The following B3GALT1 variants were observed in gnomAD, a reference collection of about 807,000 sequenced individuals.
B3GALT1 encodes the protein beta-1,3-galactosyltransferase 1, also known as UDP-Gal:betaGlcNAc beta 1,3-galactosyltransferase, polypeptide 1.
In B3GALT1, 10 loss-of-function variants were observed where a neutral mutation model predicts 23.2. That is an observed-to-expected ratio of 0.43 (90% CI 0.27 to 0.73). The LOEUF (loss-of-function observed/expected upper bound fraction) is 0.73, where lower values mean the gene tolerates loss of function less well. Among genes scored for constraint, B3GALT1 ranks in the 30% least tolerant of loss-of-function variants. The pLI, the probability that B3GALT1 is intolerant of heterozygous loss-of-function variation, is 0.21. For synonymous variants in B3GALT1, 156 were observed against 141.5 expected, an observed-to-expected ratio of 1.10 and a Z score of -0.73; for missense variants, 299 against 405.4, an observed-to-expected ratio of 0.74 and a Z score of 2.25.
At chr2:167,819,029 A>G (rs571694546) in intron 4 of B3GALT1, among the ~76,000 whole-genome samples, 2 of 152,284 alleles carry the variant, frequency 1.3e-5, no homozygotes, top group African/African-American at 4.8e-5. Context: ...AAGTTCCAGG[A>G]TACATGTGTA....
intron 1 of B3GALT1, among the ~76,000 whole-genome samples, chr2:167,347,500 T>C (rs745429524): frequency 5.5e-4 from 84 of 152,238 alleles, no homozygotes; most frequent in Admixed American, 7.2e-4. Context: ...AACTGGTTTC[T>C]AGAAATTGTG....
At position 167,869,555 on chromosome 2, in the gene B3GALT1, T is replaced by C. The variant is rs750700083; in HGVS notation, c.516T>C (p.Tyr172=). 1.2e-6 allele frequency: 2 copies of C among 1,614,130 alleles called. No homozygotes were observed. Among genetic ancestry groups the C allele is most frequent in the South Asian group, 2.2e-5 (2 of 91,074 alleles). The change falls in exon 5 of 5, where the codon TAT becomes TAC. Residue 172 remains tyrosine, a synonymous_variant. Coordinates refer to ENST00000392690, the MANE Select transcript of B3GALT1 (RefSeq NM_020981.4). This position sits in a 1 kb window ranked among gnomAD's most constrained non-coding sequence, Gnocchi z 6.4. ...WVATFCSKAK[Y]VMKTDSDIFV... ...CCACTTTTTGTTCAAAAGCCAAGTA[T>C]GTCATGAAAACAGACAGCGACATTT...
At chr2:167,308,815 A>T (rs1259488616) in intron 1 of B3GALT1, among the ~76,000 whole-genome samples, 1 of 151,998 alleles carries the variant, frequency 6.6e-6, no homozygotes. Context: ...AAGTGACTTG[A>T]TGGCTGATCC....
intron 2 of B3GALT1, among the ~76,000 whole-genome samples, chr2:167,493,080 T>G (rs1200801411): frequency 6.6e-6 from 1 of 152,218 alleles, no homozygotes; most frequent in Non-Finnish European, 1.5e-5. Context: ...GTTAGCTTTC[T>G]GGCATGAACT....
chr2:167,703,866 T>C (rs1295349225), intron 3 of B3GALT1, among the ~76,000 whole-genome samples: 1 of 152,150 alleles, frequency 6.6e-6, no homozygotes, highest in Non-Finnish European at 1.5e-5. Flanking sequence ...GCACCCCATA[T>C]GTCTTTCTCT....
At chr2:167,666,358 C>T (rs1246243255) in intron 3 of B3GALT1, among the ~76,000 whole-genome samples, 2 of 152,074 alleles carry the variant, frequency 1.3e-5, no homozygotes, top group African/African-American at 4.8e-5. Flanking sequence ...CTAAGGAGAG[C>T]TTTACTTCCA....
chr2:167,616,033 T>C (rs1476456234), intron 2 of B3GALT1, among the ~76,000 whole-genome samples: 1 of 151,844 alleles, frequency 6.6e-6, no homozygotes, highest in Non-Finnish European at 1.5e-5. Flanking sequence ...AAGCTCAAGA[T>C]AAGCGTTCAG....
chr2:167,420,973 C>T (rs1160672478), intron 1 of B3GALT1, among the ~76,000 whole-genome samples: 1 of 152,110 alleles, frequency 6.6e-6, no homozygotes, highest in African/African-American at 2.4e-5. Context: ...ACCAGCTAGA[C>T]ATATTTAAGT....
chr2:167,717,836 C>G (rs781451168), intron 3 of B3GALT1, among the ~76,000 whole-genome samples: 1 of 152,162 alleles, frequency 6.6e-6, no homozygotes, highest in Non-Finnish European at 1.5e-5. Context: ...TTTCCAGATT[C>G]ACCTCAATAT....
chr2:167,390,892 A>G (rs1456939535), intron 1 of B3GALT1, among the ~76,000 whole-genome samples: 1 of 152,222 alleles, frequency 6.6e-6, no homozygotes, highest in Non-Finnish European at 1.5e-5. Context: ...CAACTACCAC[A>G]TATAGAGCAT....
intron 1 of B3GALT1, among the ~76,000 whole-genome samples, chr2:167,432,125 T>C (rs994222583): frequency 3.3e-5 from 5 of 152,144 alleles, no homozygotes; most frequent in East Asian, 3.9e-4. Flanking sequence ...TAGGACCCTA[T>C]TGAGTCAGCA....
At chr2:167,332,774 A>G (rs765249951) in intron 1 of B3GALT1, among the ~76,000 whole-genome samples, 1 of 152,186 alleles carries the variant, frequency 6.6e-6, no homozygotes, top group Non-Finnish European at 1.5e-5. Context: ...CAGGCCCTCT[A>G]AGGATCTCAT....
intron 2 of B3GALT1, among the ~76,000 whole-genome samples, chr2:167,596,932 AGAGTTT>A (rs1191984078): frequency 4.6e-5 from 7 of 152,188 alleles, no homozygotes; most frequent in Non-Finnish European, 1.0e-4. Context: ...AAAGCACTTT[AGAGTTT>A]ATCTAAATCC....
chr2:167,363,131 A>C (rs1461843286), intron 1 of B3GALT1, among the ~76,000 whole-genome samples: 1 of 151,920 alleles, frequency 6.6e-6, no homozygotes, highest in Non-Finnish European at 1.5e-5. Flanking sequence ...CTGGGATTAC[A>C]GGCTTAAGCC....
At chr2:167,341,965 C>T (rs1697154332) in intron 1 of B3GALT1, among the ~76,000 whole-genome samples, 1 of 152,142 alleles carries the variant, frequency 6.6e-6, no homozygotes, top group Admixed American at 6.5e-5. Flanking sequence ...AATTGATGGA[C>T]ATTACTTGCC....
intron 3 of B3GALT1, among the ~76,000 whole-genome samples, chr2:167,686,923 A>G (rs1209947808): frequency 6.6e-6 from 1 of 152,172 alleles, no homozygotes; most frequent in Admixed American, 6.5e-5. Flanking sequence ...ACCTTCACAC[A>G]GCCAGAGGAT....
chr2:167,473,441 A>G lies in B3GALT1; in HGVS notation c.-510-16736A>G, dbSNP rs1009690263. 2.0e-5 allele frequency among the ~76,000 whole-genome samples: 3 copies of G among 152,194 alleles called. No homozygotes were observed. In the South Asian group the frequency reaches 6.2e-4, roughly 31 times the overall value. On this transcript the variant is annotated intron_variant, in intron 1 of 4. Coordinates refer to ENST00000392690, the MANE Select transcript of B3GALT1 (RefSeq NM_020981.4). ...TTCAGTGTATTCTCATAAATACAAT[A>G]AAGTAAACATGTTAACGATACAAAA...
intron 4 of B3GALT1, among the ~76,000 whole-genome samples, chr2:167,836,293 A>C (rs1305531007): frequency 6.6e-6 from 1 of 152,200 alleles, no homozygotes; most frequent in East Asian, 1.9e-4. Context: ...AATTTAGAAG[A>C]ATGTATAACT....
At chr2:167,716,004 C>T (rs1045975922) in intron 3 of B3GALT1, 3 of 1,611,368 alleles carry the variant, frequency 1.9e-6, no homozygotes, top group East Asian at 4.5e-5. Flanking sequence ...TGCCACAATT[C>T]TGCGTAGCTC....
Sources: allele counts gnomAD v4.1 joint callset (sites outside exome capture counted in the v4.1 genomes callset), GRCh38; gene constraint gnomAD v4.1.1; non-coding constraint Gnocchi (gnomAD v3.1); transcripts MANE v1.5; gene names NCBI Gene and HGNC (gene_info 2026-07-23, HGNC 2026-07-21).